Variants in ALG13 observed in about 807,000 individuals in gnomAD.
ALG13 encodes UDP-N-acetylglucosamine transferase subunit ALG13.
In ALG13, 11 loss-of-function variants were observed where a neutral mutation model predicts 87.8. That is an observed-to-expected ratio of 0.13 (90% CI 0.08 to 0.21). ALG13 has a LOEUF of 0.21. ALG13 is among the 10% of genes least tolerant of loss of function. The pLI is 1.00. For missense variants in ALG13, 756 were observed against 866.1 expected (o/e 0.87, Z 1.60); for synonymous variants, 320 against 306.3 (o/e 1.04, Z -0.47).
chrX:111,695,335 C>T (rs1001119064), intron 3 of ALG13, among the ~76,000 whole-genome samples: 4 of 110,717 alleles, frequency 3.6e-5, no homozygotes, highest in Non-Finnish European at 7.5e-5. Context: ...ACCAGCCTGA[C>T]CAGCATGGAG....
chrX:111,695,715 G>A lies in ALG13; in HGVS notation c.383+10612G>A, dbSNP rs1936888387. Reference sequence around the variant, plus strand: ...AATTCCGAAGAAGGATTACTTCTTTGGGAAATCCATTCTTTGTCTTGCCTT... The same window carrying A: ...AATTCCGAAGAAGGATTACTTCTTTAGGAAATCCATTCTTTGTCTTGCCTT... On this transcript the variant is annotated intron_variant, in intron 3 of 26. Transcript: ENST00000394780. 4.5e-5 allele frequency among the ~76,000 whole-genome samples: 5 copies of A among 111,475 alleles called. No homozygotes were observed. The Admixed American group carries it at 4.8e-4, about 11-fold the overall frequency.
intron 1 of ALG13, chrX:111,681,554 CT>C (rs1933200182): frequency 1.0e-6 from 1 of 961,290 alleles, no homozygotes; most frequent in African/African-American, 2.0e-5. Flanking sequence ...TCTTCAGCTC[CT>C]TTTCCGGTCT....
intron 23 of ALG13, among the ~76,000 whole-genome samples, chrX:111,742,753 T>C (rs1272158077): frequency 8.9e-6 from 1 of 112,874 alleles, no homozygotes; most frequent in Non-Finnish European, 1.9e-5. Context: ...CTGTGATTTC[T>C]AGAGAAGCAG....
At chrX:111,751,171 T>C (rs757405008) in intron 24 of ALG13, among the ~76,000 whole-genome samples, 1 of 102,687 alleles carries the variant, frequency 9.7e-6, no homozygotes, top group Admixed American at 1.1e-4. Flanking sequence ...CAGGTTCAAG[T>C]GATTCTCCTG....
chrX:111,709,621 G>C (rs2148011885), intron 5 of ALG13, among the ~76,000 whole-genome samples: 1 of 110,916 alleles, frequency 9.0e-6, no homozygotes, highest in African/African-American at 3.3e-5. Context: ...ACAACTTACA[G>C]AAGACATATT....
intron 21 of ALG13, among the ~76,000 whole-genome samples, chrX:111,732,783 C>G (rs988102340): frequency 1.8e-5 from 2 of 111,853 alleles, no homozygotes; most frequent in Admixed American, 9.5e-5. Context: ...AATTCTCTTT[C>G]TGTTCTTTCT....
At chrX:111,722,681 C>A in intron 12 of ALG13, 112 bp from the exon 13 acceptor site, 1 of 507,425 alleles carries the variant, frequency 2.0e-6, no homozygotes, top group Non-Finnish European at 3.4e-6. Flanking sequence ...CCTATTTTCA[C>A]TTATAGTGGT....
chrX:111,727,201 T>G (rs747067954), intron 16 of ALG13, 131 bp from the exon 17 acceptor site: 9 of 891,200 alleles, frequency 1.0e-5, no homozygotes, highest in Non-Finnish European at 1.4e-5. Flanking sequence ...CTAATGCCAG[T>G]ATTGCAGAGA....
At chrX:111,725,095 C>T in intron 15 of ALG13, 34 bp downstream of exon 15, 1 of 1,195,167 alleles carries the variant, frequency 8.4e-7, no homozygotes, top group African/African-American at 1.7e-5. Flanking sequence ...TTTGTTTTTC[C>T]CTTCCTGTAC....
intron 8 of ALG13, among the ~76,000 whole-genome samples, chrX:111,716,520 T>A (rs937519831): frequency 8.9e-6 from 1 of 112,604 alleles, no homozygotes; most frequent in Non-Finnish European, 1.9e-5. Flanking sequence ...AGGATTTCTC[T>A]GCTCAAAATC....
intron 8 of ALG13, among the ~76,000 whole-genome samples, chrX:111,717,267 G>A (rs994832685): frequency 8.0e-5 from 9 of 111,831 alleles, no homozygotes; most frequent in Non-Finnish European, 1.1e-4. Flanking sequence ...CAGCTCAGAC[G>A]TTAAACTGTC....
At chrX:111,713,911 A>T in intron 8 of ALG13, among the ~76,000 whole-genome samples, 1 of 112,278 alleles carries the variant, frequency 8.9e-6, no homozygotes, top group Non-Finnish European at 1.9e-5. Flanking sequence ...TTCTCCAAAA[A>T]GTTTATAAAA....
At chrX:111,686,070 A>G in intron 3 of ALG13, 2 of 717,395 alleles carry the variant, frequency 2.8e-6, no homozygotes, top group Non-Finnish European at 3.8e-6. Flanking sequence ...CAAGTATATT[A>G]GAATTCAACA....
intron 1 of ALG13, 69 bp from the exon 2 acceptor site, chrX:111,682,063 G>A: frequency 9.9e-7 from 1 of 1,008,642 alleles, no homozygotes; most frequent in South Asian, 3.0e-5. Flanking sequence ...CTTTAGTAGT[G>A]GTGGTGGTTC....
At position 111,727,409 on chromosome X, in the gene ALG13, G is replaced by A. The variant is rs1180125518; in HGVS notation, c.2054G>A (p.Cys685Tyr). 8.3e-7 allele frequency: 1 copy of A among 1,208,351 alleles called. No individual in the cohort carries two copies. Among genetic ancestry groups the A allele is most frequent in the Non-Finnish European group, 1.1e-6 (1 of 893,359 alleles). Residue 685 changes from cysteine to tyrosine, a missense_variant, in exon 17 of 27, where the codon TGC (cysteine) becomes TAC (tyrosine). Transcript: ENST00000394780. Reference protein sequence around the residue: ...VDFYPGPGKRCCQSYDNFSYR... With the variant: ...VDFYPGPGKRYCQSYDNFSYR... ...TTTTACCCAGGCCCAGGTAAAAGGT[G>A]CTGCCAGAGCTATGATAACTTCTCT...
At chrX:111,710,746 G>A (rs1012382527) in intron 5 of ALG13, among the ~76,000 whole-genome samples, 7 of 111,879 alleles carry the variant, frequency 6.3e-5, no homozygotes, top group African/African-American at 2.3e-4. Flanking sequence ...ACCCAGGCTG[G>A]AGTGCAGTGG....
intron 1 of ALG13, 134 bp downstream of exon 1, chrX:111,681,433 G>A (rs1933118876): frequency 1.8e-6 from 2 of 1,135,209 alleles, no homozygotes; most frequent in Non-Finnish European, 1.2e-6. Flanking sequence ...AGGTGCCGCT[G>A]CCCCTTAGCT....
intron 23 of ALG13, among the ~76,000 whole-genome samples, chrX:111,742,923 A>G (rs1943887011): frequency 8.9e-6 from 1 of 112,490 alleles, no homozygotes. Context: ...CTTGAAGTGT[A>G]TCTGTTAAGC....
chrX:111,757,574 C>T lies in ALG13; in HGVS notation c.2974-14C>T, dbSNP rs1569523953. On this transcript the variant is annotated splice_polypyrimidine_tract_variant and intron_variant, in intron 25 of 26. Transcript: ENST00000394780. The stretch of plus-strand genomic sequence containing the variant: ...TGAAGTTTCTTATTTTTTTGTTGCC[C>T]TTTCTTGCTCAAGTGCTATTACCAC... The T allele has an allele frequency of 8.5e-7, 1 of 1,171,256 alleles. No homozygotes were observed. The highest frequency in any genetic ancestry group is 1.1e-6 in the Non-Finnish European group (1 of 876,131).
Sources: gnomAD v4.1 joint callset for allele counts (sites outside exome capture counted in the v4.1 genomes callset) on GRCh38, gnomAD v4.1.1 for gene constraint, MANE v1.5 for transcripts, NCBI Gene and HGNC (gene_info 2026-07-23, HGNC 2026-07-21) for gene names.